Variants in FRMPD2 observed in about 807,000 individuals in gnomAD.
The protein encoded by FRMPD2 is FERM and PDZ domain containing 2.
In FRMPD2, 96 loss-of-function variants were observed where a neutral mutation model predicts 140.1. The ratio of observed to expected loss-of-function variants is 0.69; its 90% CI spans 0.58 to 0.81. The LOEUF (loss-of-function observed/expected upper bound fraction) is 0.81. Among genes scored for constraint, FRMPD2 ranks in the 40% least tolerant of loss-of-function variants. The pLI, the probability that FRMPD2 is intolerant of heterozygous loss-of-function variation, is 0.00. For synonymous variants in FRMPD2, 449 were observed against 547.6 expected, an observed-to-expected ratio of 0.82 and a Z score of 2.52; for missense variants, 1,240 against 1,447.4, an observed-to-expected ratio of 0.86 and a Z score of 2.32.
At chr10:48,203,612 G>A (rs2131867372) in intron 14 of FRMPD2, among the ~76,000 whole-genome samples, 1 of 152,190 alleles carries the variant, frequency 6.6e-6, no homozygotes, top group African/African-American at 2.4e-5. Flanking sequence ...TCATCCCTAG[G>A]AGTTCTTTTT....
At position 48,251,581 on chromosome 10, in the gene FRMPD2, C is replaced by T. The variant is rs900679275; in HGVS notation, c.136G>A (p.Glu46Lys). ...LLFLAAEQLL[E>K]DLRNDSSDYV... is the part of the protein sequence containing the mutation. The stretch of plus-strand genomic sequence containing the variant: ...ACTCTCTTACCGTTGCGGAGGTCTT[C>T]CAGGAGCTGCTCAGCGGCCAGGAAC... Residue 46 changes from glutamate (E) to lysine (K), a missense_variant, in exon 2 of 29, where the codon GAA (glutamate) becomes AAA (lysine). Glu to Lys is a moderately conservative substitution (Grantham distance 56). Around this residue, in one of 6 missense-constraint regions of FRMPD2, gnomAD observed 1,161 missense variants for 1,055.9 expected, o/e 1.10. Transcript: ENST00000374201. 3.1e-6 allele frequency: 5 copies of T among 1,614,230 alleles called. No homozygotes were observed. The highest frequency in any genetic ancestry group is 4.2e-6 in the Non-Finnish European group (5 of 1,180,034).
intron 20 of FRMPD2, among the ~76,000 whole-genome samples, chr10:48,182,118 A>G (rs988174662): frequency 2.0e-5 from 3 of 152,124 alleles, no homozygotes; most frequent in Non-Finnish European, 2.9e-5. Flanking sequence ...AATGAATTCA[A>G]TTTAAATAAA....
At chr10:48,249,789 C>T (rs1403777515) in intron 2 of FRMPD2, among the ~76,000 whole-genome samples, 2 of 152,110 alleles carry the variant, frequency 1.3e-5, no homozygotes, top group Non-Finnish European at 2.9e-5. Context: ...CCTTGGATAC[C>T]GCTACCTTAG....
rs556022475 is a variant in FRMPD2, at chr10:48,156,863, C to T, written c.*459G>A. ...AGAAGCGTCTAGGATTATTGGGACA[C>T]GTAAATTACATAATTCTGACACAGC... On this transcript the variant is annotated 3_prime_UTR_variant, in exon 29 of 29. Coordinates refer to ENST00000374201, the MANE Select transcript of FRMPD2 (RefSeq NM_001018071.4). The T allele has an allele frequency of 4.8e-5, 11 of 227,502 alleles. No homozygotes were observed. Among genetic ancestry groups the T allele is most frequent in the East Asian group, 4.8e-4 (4 of 8,318 alleles). The allele number at this position is 227,502 out of a possible 1,614,324, so 14.1% of individuals were successfully genotyped here. A position where few individuals can be genotyped will look rare whatever the true frequency, so the allele number is the denominator to read the frequency against.
intron 20 of FRMPD2, among the ~76,000 whole-genome samples, chr10:48,182,814 G>A (rs564543085): frequency 6.6e-6 from 1 of 152,322 alleles, no homozygotes; most frequent in South Asian, 2.1e-4. Context: ...TTGTGATTTG[G>A]TCACCTGCAT....
chr10:48,260,013 T>A (rs1840554029), intron 1 of FRMPD2, among the ~76,000 whole-genome samples: 1 of 151,956 alleles, frequency 6.6e-6, no homozygotes, highest in Non-Finnish European at 1.5e-5. Context: ...AACCAATATA[T>A]AATATTGGAC....
Position 48,261,490 on chromosome 10 carries a change from G to A in FRMPD2, c.26-9799C>T, listed in dbSNP as rs142477717. Reference sequence around the variant, plus strand: ...CACAAACTGTTCAAGTAAAAAGATCGTAGGACGTAATATTTAAAGTGTAAA... The same window carrying A: ...CACAAACTGTTCAAGTAAAAAGATCATAGGACGTAATATTTAAAGTGTAAA... On this transcript the variant is annotated intron_variant, in intron 1 of 28. Transcript: ENST00000374201. Among the ~76,000 whole-genome samples, 794 of 152,124 alleles carry A rather than the reference G, an allele frequency of 5.2e-3. 7 individuals carry two copies. The highest frequency in any genetic ancestry group is 0.016 in the African/African-American group (673 of 41,546).
In FRMPD2 at chr10:48,184,679, C is replaced by A. The variant is rs1295944322; in HGVS notation, c.2471G>T (p.Gly824Val). Reference sequence around the variant, plus strand: ...GATGTGATTCAGGGCTAGTATCTGCCCTCCTAGAAAAATAAAACATCTCAA... The same window carrying A: ...GATGTGATTCAGGGCTAGTATCTGCACTCCTAGAAAAATAAAACATCTCAA... Reference protein sequence around the residue: ...AEKAKTIKPGGQILALNHISL... With the variant: ...AEKAKTIKPGVQILALNHISL... The change falls in exon 20 of 29, where the codon GGG becomes GTG. Residue 824 changes from glycine to valine, a missense_variant. By Grantham distance (109) the Gly-to-Val change is moderately radical (BLOSUM62 -3). Transcript: ENST00000374201. 6.2e-7 allele frequency: 1 copy of A among 1,609,450 alleles called. No individual in the cohort carries two copies. Among genetic ancestry groups the A allele is most frequent in the Non-Finnish European group, 8.5e-7 (1 of 1,176,410 alleles).
rs41301111 is a variant in FRMPD2, at chr10:48,248,837, C to G, written c.309+184G>C. On this transcript the variant is annotated intron_variant, in intron 3 of 28. Coordinates refer to ENST00000374201, the MANE Select transcript of FRMPD2 (RefSeq NM_001018071.4). ...TGGGGCTCAGAGAAGTGGACTTGCC[C>G]TTGTCCATGAGCTAGTAAGTTGTTG... is the stretch of plus-strand genomic sequence containing the variant. The G allele has an allele frequency of 5.7e-3, 2,682 of 466,822 alleles. 24 individuals carry two copies. The highest frequency in any genetic ancestry group is 0.023 in the South Asian group (454 of 19,328). 28.9% of individuals were successfully genotyped at this position (466,822 alleles called of 1,614,324 possible). A position where few individuals can be genotyped will look rare whatever the true frequency, so the allele number is the denominator to read the frequency against.
At chr10:48,235,854 C>T (rs922291645) in intron 9 of FRMPD2, among the ~76,000 whole-genome samples, 7 of 152,204 alleles carry the variant, frequency 4.6e-5, no homozygotes, top group South Asian at 2.1e-4. Context: ...CTGCAGGGGA[C>T]GTGCTCAGGC....
At chr10:48,244,735 A>G (rs1482538543) in intron 4 of FRMPD2, 49 bp downstream of exon 4, 1 of 1,435,144 alleles carries the variant, frequency 7.0e-7, no homozygotes, top group Non-Finnish European at 9.8e-7. Context: ...ACCACTAAAT[A>G]AACCCAGAGA....
At chr10:48,171,709 T>C (rs1452586569) in intron 25 of FRMPD2, among the ~76,000 whole-genome samples, 2 of 152,036 alleles carry the variant, frequency 1.3e-5, no homozygotes, top group Admixed American at 1.3e-4. Flanking sequence ...ATGTGGCAAG[T>C]GGCTACCATA....
intron 1 of FRMPD2, 111 bp from the exon 2 acceptor site, chr10:48,251,802 CG>C (rs1164136683): frequency 3.9e-6 from 5 of 1,292,372 alleles, no homozygotes; most frequent in Non-Finnish European, 5.4e-6. Flanking sequence ...TACTGCACAC[CG>C]GCACTGTGTT....
At chr10:48,259,810 A>C (rs1329621337) in intron 1 of FRMPD2, among the ~76,000 whole-genome samples, 1 of 152,102 alleles carries the variant, frequency 6.6e-6, no homozygotes, top group Admixed American at 6.6e-5. Context: ...ACTCCTGCAT[A>C]AGAACAGCAG....
At position 48,184,776 on chromosome 10, in the gene FRMPD2, G is replaced by T; in HGVS notation, c.2465C>A (p.Pro822Gln). The T allele has an allele frequency of 1.2e-6, 2 of 1,610,770 alleles. No homozygotes were observed. Among genetic ancestry groups the T allele is most frequent in the Admixed American group, 1.7e-5 (1 of 59,876 alleles). The change falls in exon 19 of 29, where the codon CCA becomes CAA. Residue 822 changes from proline (P) to glutamine (Q), a missense_variant and splice_region_variant. Coordinates refer to ENST00000374201, the MANE Select transcript of FRMPD2 (RefSeq NM_001018071.4). ...GPAEKAKTIKPGGQILALNHI... is the reference protein window; with the variant it reads ...GPAEKAKTIKQGGQILALNHI... ...TCTAGTAATTTAAAAAGATGTACCT[G>T]GTTTGATCGTTTTTGCTTTTTCTGC... is the stretch of plus-strand genomic sequence containing the variant.
chr10:48,193,774 C>A (rs1345978403), intron 15 of FRMPD2, among the ~76,000 whole-genome samples: 3 of 152,132 alleles, frequency 2.0e-5, no homozygotes, highest in Non-Finnish European at 2.9e-5. Flanking sequence ...TGTGCACATG[C>A]ACTTCTAGAG....
intron 13 of FRMPD2, among the ~76,000 whole-genome samples, chr10:48,209,039 G>C (rs1839263033): frequency 2.0e-5 from 3 of 152,142 alleles, no homozygotes; most frequent in African/African-American, 4.8e-5. Flanking sequence ...TCATAATGCT[G>C]TTCAGTACAG....
chr10:48,170,543 A>AATAT (rs1838213684), intron 26 of FRMPD2, among the ~76,000 whole-genome samples: 1 of 151,674 alleles, frequency 6.6e-6, no homozygotes, highest in South Asian at 2.1e-4. Flanking sequence ...GACTCTGTCT[A>AATAT]ATATATACAG....
intron 16 of FRMPD2, 22 bp from the exon 17 acceptor site, chr10:48,187,314 G>T: frequency 6.2e-7 from 1 of 1,606,464 alleles, no homozygotes. Flanking sequence ...AGAAAATGAG[G>T]TTAGATAAGG....
Sources: gnomAD v4.1 joint callset for allele counts (sites outside exome capture counted in the v4.1 genomes callset) on GRCh38, gnomAD v4.1.1 for gene constraint, gnomAD v4.1.1 regional missense constraint, MANE v1.5 for transcripts, NCBI Gene and HGNC (gene_info 2026-07-23, HGNC 2026-07-21) for gene names.